Variants in RBMS1 observed in about 807,000 individuals in gnomAD.
RBMS1 encodes RNA binding motif single stranded interacting protein 1.
In RBMS1, 17 loss-of-function variants were observed where a neutral mutation model predicts 62.3. The observed-to-expected ratio is 0.27, with a 90% CI of 0.19 to 0.41. The LOEUF (loss-of-function observed/expected upper bound fraction) is 0.41. RBMS1 is among the 10% of genes least tolerant of loss of function. The pLI is 1.00. For synonymous variants in RBMS1, 172 were observed against 170.0 expected (o/e 1.01, Z -0.09); for missense variants, 334 against 504.5 (o/e 0.66, Z 3.24).
At chr2:160,293,802 A>G (rs568933745) in intron 6 of RBMS1, among the ~76,000 whole-genome samples, 12 of 152,326 alleles carry the variant, frequency 7.9e-5, no homozygotes, top group African/African-American at 2.2e-4. Context: ...ACTCTCTTCC[A>G]GGAAGGTCCT....
chr2:160,433,162 C>T (rs1329482541), intron 1 of RBMS1, among the ~76,000 whole-genome samples: 1 of 152,126 alleles, frequency 6.6e-6, no homozygotes, highest in Non-Finnish European at 1.5e-5. Flanking sequence ...ATCTGTGGTC[C>T]CAGCACTTTG....
At chr2:160,439,907 C>T (rs1487432100) in intron 1 of RBMS1, among the ~76,000 whole-genome samples, 6 of 152,044 alleles carry the variant, frequency 3.9e-5, no homozygotes, top group Admixed American at 3.9e-4. Flanking sequence ...ATACGAAAAC[C>T]AGTCAGGCGT....
At chr2:160,415,869 T>G (rs1696190137) in intron 1 of RBMS1, among the ~76,000 whole-genome samples, 1 of 152,106 alleles carries the variant, frequency 6.6e-6, no homozygotes, top group Non-Finnish European at 1.5e-5. Flanking sequence ...TAATTAATGA[T>G]GTCCTTTATG....
chr2:160,314,304 C>T (rs995521667), intron 3 of RBMS1, among the ~76,000 whole-genome samples: 11 of 152,108 alleles, frequency 7.2e-5, no homozygotes, highest in East Asian at 3.9e-4. Flanking sequence ...AGTAGACTAA[C>T]GAAACGGTAC....
intron 5 of RBMS1, 57 bp from the exon 6 acceptor site, chr2:160,300,787 T>C (rs1174569253): frequency 6.8e-7 from 1 of 1,461,658 alleles, no homozygotes. Context: ...ACTTTCATCT[T>C]GTTCGGTGCA....
At chr2:160,380,501 C>A (rs1694232816) in intron 1 of RBMS1, among the ~76,000 whole-genome samples, 1 of 152,170 alleles carries the variant, frequency 6.6e-6, no homozygotes, top group Non-Finnish European at 1.5e-5. Context: ...GATATCAAAT[C>A]ATTTTGCTAA....
chr2:160,451,170 T>TAAA (rs945310789), intron 1 of RBMS1, among the ~76,000 whole-genome samples: 2 of 127,664 alleles, frequency 1.6e-5, no homozygotes, highest in African/African-American at 2.6e-5. Context: ...AAAAAAAAAA[T>TAAA]AAATAAATAA....
intron 2 of RBMS1, among the ~76,000 whole-genome samples, chr2:160,364,152 T>G (rs1251925192): frequency 6.6e-6 from 1 of 152,180 alleles, no homozygotes; most frequent in Non-Finnish European, 1.5e-5. Context: ...TTGGCTTGAT[T>G]TCAGAGAAGG....
rs1389856048 is a variant in RBMS1 at position 160,313,035 on chromosome 2, A to C, written c.402+121T>G. 5.9e-6 allele frequency: 5 copies of C among 851,672 alleles called. No individual in the cohort carries two copies. In the South Asian group the frequency reaches 7.1e-5, roughly 12 times the overall value. 52.8% of individuals were successfully genotyped at this position (851,672 alleles called of 1,614,324 possible). A position where few individuals can be genotyped will look rare whatever the true frequency, so the allele number is the denominator to read the frequency against. ...CTGCGGAGGCACAGGACAAGTGTCC[A>C]GAAGGCGCTGTGCTGAGTGGGATGA... On this transcript the variant is annotated intron_variant, in intron 4 of 13. Coordinates refer to ENST00000348849, the MANE Select transcript of RBMS1 (RefSeq NM_016836.4).
intron 1 of RBMS1, among the ~76,000 whole-genome samples, chr2:160,395,395 C>T (rs1473778300): frequency 3.9e-5 from 6 of 152,098 alleles, no homozygotes; most frequent in Admixed American, 6.5e-5. Context: ...GAGGCCGAGG[C>T]GGGCAGATCA....
rs1307165535 is a variant in RBMS1 at position 160,393,031 on chromosome 2, T to C, written c.76-25640A>G. ...AGATAAAACCAAACTCGGCAATGAA[T>C]TGATGTCAAGAACATGGAAGATATA... is the stretch of plus-strand genomic sequence containing the variant. On this transcript the variant is annotated intron_variant, in intron 1 of 13. Transcript: ENST00000348849. Among the ~76,000 whole-genome samples the C allele has an allele frequency of 2.0e-5, 3 of 152,316 alleles. No individual in the cohort carries two copies. In the East Asian group the frequency reaches 5.8e-4, roughly 29 times the overall value.
chr2:160,392,495 G>A (rs1268070184), intron 1 of RBMS1, among the ~76,000 whole-genome samples: 1 of 150,708 alleles, frequency 6.6e-6, no homozygotes, highest in African/African-American at 2.4e-5. Context: ...ACTATAGATA[G>A]TGTATGAAAT....
chr2:160,343,767 A>T (rs1263248889), intron 2 of RBMS1, among the ~76,000 whole-genome samples: 1 of 152,168 alleles, frequency 6.6e-6, no homozygotes, highest in Non-Finnish European at 1.5e-5. Context: ...AAACCTAAAA[A>T]TAAACTATCC....
At chr2:160,282,219 G>T (rs1330372228) in intron 9 of RBMS1, 1 of 1,360,662 alleles carries the variant, frequency 7.3e-7, no homozygotes, top group South Asian at 1.1e-5. Context: ...GAGAGGATAT[G>T]GGGAAGAGTC....
At chr2:160,448,904 C>T (rs1683807425) in intron 1 of RBMS1, among the ~76,000 whole-genome samples, 1 of 151,540 alleles carries the variant, frequency 6.6e-6, no homozygotes, top group Non-Finnish European at 1.5e-5. Flanking sequence ...CTCTGCCCCG[C>T]CACCCCATCT....
At chr2:160,399,253 C>T (rs1695313097) in intron 1 of RBMS1, among the ~76,000 whole-genome samples, 1 of 152,212 alleles carries the variant, frequency 6.6e-6, no homozygotes, top group Non-Finnish European at 1.5e-5. Flanking sequence ...ACAGATCCCT[C>T]TGACAAATGG....
chr2:160,471,717 A>ATATATATATATATATAT (rs1422014155), intron 1 of RBMS1, among the ~76,000 whole-genome samples: 35 of 53,928 alleles, frequency 6.5e-4, no homozygotes, highest in South Asian at 1.5e-3. Flanking sequence ...ATATATATAT[A>ATATATATATATATATAT]ACCTTTCATA....
chr2:160,419,142 C>G (rs1339329872), intron 1 of RBMS1, among the ~76,000 whole-genome samples: 1 of 152,216 alleles, frequency 6.6e-6, no homozygotes, highest in East Asian at 1.9e-4. Flanking sequence ...CAAACTTCCT[C>G]AATATTAAAG....
At chr2:160,454,194 C>T (rs80350423) in intron 1 of RBMS1, among the ~76,000 whole-genome samples, 9,386 of 152,258 alleles carry the variant, frequency 0.062, 397 homozygotes, top group Non-Finnish European at 0.096. Flanking sequence ...TTTGAGGAAA[C>T]CTCATGAGAG....
Sources: allele counts gnomAD v4.1 joint callset (sites outside exome capture counted in the v4.1 genomes callset), GRCh38; gene constraint gnomAD v4.1.1; transcripts MANE v1.5; gene names NCBI Gene and HGNC (gene_info 2026-07-23, HGNC 2026-07-21).